AFF1: variants seen among roughly 807,000 people sequenced by gnomAD.
The protein encoded by AFF1 is AF4/FMR2 family member 1.
AFF1 carries 48 observed loss-of-function variants against 121.7 expected under a neutral mutation model. The ratio of observed to expected loss-of-function variants is 0.39; its 90% CI spans 0.31 to 0.50. The LOEUF is 0.50. Among genes scored for constraint, AFF1 ranks in the 20% least tolerant of loss-of-function variants. The probability of loss-of-function intolerance (pLI) is 0.76; values close to 1 mark genes in which losing one functional copy is unlikely to be tolerated. For missense variants in AFF1, 1,523 were observed against 1,511.7 expected, an observed-to-expected ratio of 1.01 and a Z score of -0.12; for synonymous variants, 613 against 563.0, an observed-to-expected ratio of 1.09 and a Z score of -1.26.
intron 16 of AFF1, among the ~76,000 whole-genome samples, chr4:87,130,782 C>T (rs1248360835): frequency 6.6e-6 from 1 of 152,202 alleles, no homozygotes. Context: ...TAATTTGACA[C>T]TAATAACAAG....
intron 11 of AFF1, among the ~76,000 whole-genome samples, chr4:87,110,674 G>A (rs1482547358): frequency 6.6e-6 from 1 of 152,026 alleles, no homozygotes; most frequent in Non-Finnish European, 1.5e-5. Context: ...CCATAGCTAT[G>A]TAGTGTTACT....
intron 14 of AFF1, 47 bp from the exon 15 acceptor site, chr4:87,126,979 G>T (rs1259829986): frequency 1.5e-5 from 23 of 1,514,020 alleles, no homozygotes; most frequent in Non-Finnish European, 2.1e-5. Flanking sequence ...TAGGACAGTG[G>T]TCTTAAATGT....
intron 8 of AFF1, among the ~76,000 whole-genome samples, chr4:87,095,261 G>A (rs1724717976): frequency 6.6e-6 from 1 of 152,176 alleles, no homozygotes; most frequent in African/African-American, 2.4e-5. Flanking sequence ...TGGGACTACA[G>A]GTGCCCACCA....
intron 4 of AFF1, among the ~76,000 whole-genome samples, chr4:87,080,179 G>T (rs922902244): frequency 2.6e-5 from 4 of 152,116 alleles, no homozygotes; most frequent in Admixed American, 6.5e-5. Flanking sequence ...GGGAGAGCTC[G>T]TGCCCTCTAG....
chr4:87,095,284 A>G (rs941448109), intron 8 of AFF1, among the ~76,000 whole-genome samples: 3 of 152,024 alleles, frequency 2.0e-5, no homozygotes, highest in African/African-American at 7.3e-5. Context: ...ATGCCTGACT[A>G]ATTTTTGTAT....
chr4:87,093,887 G>A (rs532251065), intron 7 of AFF1, among the ~76,000 whole-genome samples: 20 of 152,208 alleles, frequency 1.3e-4, no homozygotes, highest in African/African-American at 4.6e-4. Flanking sequence ...AAATGCAGCT[G>A]CCTCCACACG....
intron 2 of AFF1, among the ~76,000 whole-genome samples, chr4:86,966,031 T>TC (rs112090896): frequency 0.063 from 9,527 of 151,834 alleles, 986 homozygotes; most frequent in African/African-American, 0.22. Flanking sequence ...TCTCCCCTCT[T>TC]CCCCAGGGTG....
chr4:86,947,495 ATG>A (rs1720949004), intron 1 of AFF1, among the ~76,000 whole-genome samples: 1 of 152,242 alleles, frequency 6.6e-6, no homozygotes, highest in Non-Finnish European at 1.5e-5. Flanking sequence ...TACAAATTTA[ATG>A]TGTGTTTCCA....
chr4:87,017,103 T>G (rs1288403914), intron 2 of AFF1, among the ~76,000 whole-genome samples: 129 of 4,992 alleles, frequency 0.026, 2 homozygotes, highest in African/African-American at 0.029. Context: ...ATATATGTGT[T>G]TTTTTTTTTT....
chr4:87,087,668 A>T (rs1723870365), intron 5 of AFF1, among the ~76,000 whole-genome samples: 1 of 152,178 alleles, frequency 6.6e-6, no homozygotes, highest in Admixed American at 6.5e-5. Flanking sequence ...GCATGTAGGG[A>T]AGTATATAAA....
At chr4:87,105,531 CTCTT>C (rs921557425) in intron 8 of AFF1, 93 bp from the exon 9 acceptor site, 90 of 1,357,956 alleles carry the variant, frequency 6.6e-5, no homozygotes, top group East Asian at 3.4e-4. Flanking sequence ...CATATCCTCT[CTCTT>C]TGTTTAATTA....
intron 4 of AFF1, among the ~76,000 whole-genome samples, chr4:87,057,986 C>G (rs895691948): frequency 1.3e-5 from 2 of 152,020 alleles, no homozygotes; most frequent in South Asian, 4.2e-4. Context: ...TTGGCAATCT[C>G]TGGTGTAAAC....
At chr4:87,047,878 G>A (rs559620124) in intron 4 of AFF1, 2 of 461,534 alleles carry the variant, frequency 4.3e-6, no homozygotes, top group South Asian at 4.3e-5. Context: ...AGTACAGTTT[G>A]TGTTTCAAAA....
chr4:86,944,853 CAT>C (rs1376729694), intron 1 of AFF1, among the ~76,000 whole-genome samples: 2 of 152,162 alleles, frequency 1.3e-5, no homozygotes, highest in Non-Finnish European at 2.9e-5. Flanking sequence ...ATAAAACTTA[CAT>C]ATATGTGTAT....
chr4:87,043,042 TGAG>T (rs1730313681), intron 2 of AFF1, among the ~76,000 whole-genome samples: 1 of 152,216 alleles, frequency 6.6e-6, no homozygotes, highest in Non-Finnish European at 1.5e-5. Context: ...GCCTGTTAGT[TGAG>T]GTGTAACTGT....
intron 12 of AFF1, among the ~76,000 whole-genome samples, chr4:87,118,653 C>G (rs1239805785): frequency 6.6e-6 from 1 of 152,030 alleles, no homozygotes; most frequent in African/African-American, 2.4e-5. Context: ...CTGTACCCAG[C>G]TAATTTATTT....
intron 1 of AFF1, 109 bp from the exon 2 acceptor site, chr4:86,948,389 A>G (rs1250099696): frequency 2.9e-6 from 2 of 686,878 alleles, no homozygotes; most frequent in Non-Finnish European, 4.6e-6. Flanking sequence ...TTTCTAATTC[A>G]AATGAGAACT....
intron 2 of AFF1, among the ~76,000 whole-genome samples, chr4:87,001,589 C>T (rs1310758158): frequency 1.3e-5 from 2 of 152,118 alleles, no homozygotes; most frequent in East Asian, 3.9e-4. Context: ...AGAAAGAGGA[C>T]ATTTGTATAT....
Position 87,140,805 on chromosome 4 carries a change from TGTATA to T in AFF1, c.*5107_*5111del, listed in dbSNP as rs1346934699. 1.1e-5 allele frequency: 2 copies of T among 188,390 alleles called. No homozygotes were observed. Among genetic ancestry groups the T allele is most frequent in the East Asian group, 1.7e-4 (2 of 11,832 alleles). The allele number at this position is 188,390 out of a possible 1,614,324, so 11.7% of individuals were successfully genotyped here. A position where few individuals can be genotyped will look rare whatever the true frequency, so the allele number is the denominator to read the frequency against. ...CTTTGTGAATAAAATTTAGCTGCCTTGTATAGTCGTTTGAAAGAATATGTGATCTG... is the reference window on the plus strand; with the variant it reads ...CTTTGTGAATAAAATTTAGCTGCCTTGTCGTTTGAAAGAATATGTGATCTG... On this transcript the variant is annotated 3_prime_UTR_variant, in exon 21 of 21. Transcript: ENST00000395146.
Sources: allele counts gnomAD v4.1 joint callset (sites outside exome capture counted in the v4.1 genomes callset), GRCh38; gene constraint gnomAD v4.1.1; transcripts MANE v1.5; gene names NCBI Gene and HGNC (gene_info 2026-07-23, HGNC 2026-07-21).